PABIR2: variants seen among roughly 807,000 people sequenced by gnomAD.
The protein encoded by PABIR2 is family with sequence similarity 122B.
In PABIR2, 7 loss-of-function variants were observed where a neutral mutation model predicts 22.8. The ratio of observed to expected loss-of-function variants is 0.31; its 90% confidence interval spans 0.17 to 0.58. The LOEUF is 0.58. Among genes scored for constraint, PABIR2 ranks in the 20% least tolerant of loss-of-function variants. The pLI is 0.89. For missense variants in PABIR2, 155 were observed against 205.1 expected, an observed-to-expected ratio of 0.76 and a Z score of 1.49; for synonymous variants, 67 against 73.8, an observed-to-expected ratio of 0.91 and a Z score of 0.47.
rs757626399 is a variant in PABIR2, at chrX:134,793,675, C to G, written c.177+140G>C. ...GGTACCAAAAGCTGAATGGCCACAG[C>G]ATAAGCAGTAAACAACATAGGTAAA... On this transcript the variant is annotated intron_variant, in intron 2 of 9. Transcript: ENST00000343004. 7 of 780,875 alleles carry G rather than the reference C, an allele frequency of 9.0e-6. No homozygotes were observed. In the African/African-American group the frequency reaches 1.0e-4, roughly 11 times the overall value. The allele number at this position is 780,875 out of a possible 1,213,427, so 64.4% of individuals were successfully genotyped here. A position where few individuals can be genotyped will look rare whatever the true frequency, so the allele number is the denominator to read the frequency against.
Position 134,770,771 on chromosome X carries a change from C to T in PABIR2, c.*1368G>A, listed in dbSNP as rs183629570. The T allele has an allele frequency of 8.8e-6, 1 of 113,071 alleles. No homozygotes were observed. The highest frequency in any genetic ancestry group is 3.2e-5 in the African/African-American group (1 of 31,110). 9.3% of individuals were successfully genotyped at this position (113,071 alleles called of 1,213,427 possible). On this transcript the variant is annotated 3_prime_UTR_variant, in exon 10 of 10. Coordinates refer to ENST00000343004, the MANE Select transcript of PABIR2 (RefSeq NM_001387468.1). Reference sequence around the variant, plus strand: ...ACACTCAGATTTCTTAAACAGCTCACTCAGGAGTTTCCTCTTTTAAAAATT... The same window carrying T: ...ACACTCAGATTTCTTAAACAGCTCATTCAGGAGTTTCCTCTTTTAAAAATT...
chrX:134,772,138 G>A lies in PABIR2; in HGVS notation c.*1C>T, dbSNP rs1185174789. On this transcript the variant is annotated 3_prime_UTR_variant, in exon 10 of 10. Coordinates refer to ENST00000343004, the MANE Select transcript of PABIR2 (RefSeq NM_001387468.1). ...AAAACGTTGAATCAGAAATGGTTAA[G>A]TCACTTGGGTGAGAGATCATCCATC... 8.4e-7 allele frequency: 1 copy of A among 1,192,792 alleles called. No individual in the cohort carries two copies. Among genetic ancestry groups the A allele is most frequent in the South Asian group, 1.9e-5 (1 of 53,829 alleles).
intron 9 of PABIR2, 70 bp from the exon 10 acceptor site, chrX:134,772,353 GT>G: frequency 1.0e-6 from 1 of 1,000,093 alleles, no homozygotes; most frequent in South Asian, 2.7e-5. Flanking sequence ...CAATGACACA[GT>G]TTCAAGAGCT....
Position 134,789,204 on chromosome X carries a change from G to A in PABIR2, c.278+19C>T, listed in dbSNP as rs777665722. On this transcript the variant is annotated intron_variant, in intron 4 of 9. Transcript: ENST00000343004. ...CAAGACACTTATTAGGCTAGGCCCT[G>A]CTCTTGCAAAGCACTAACCTTTCAT... 1.7e-5 allele frequency: 20 copies of A among 1,210,574 alleles called. No homozygotes were observed. In the Admixed American group the frequency reaches 4.1e-4, roughly 25 times the overall value.
intron 9 of PABIR2, among the ~76,000 whole-genome samples, chrX:134,780,934 T>C (rs956670323): frequency 8.9e-6 from 1 of 112,924 alleles, no homozygotes; most frequent in African/African-American, 3.2e-5. Context: ...TGTTCTGAAA[T>C]ATTTCATAAT....
chrX:134,788,122 TAC>T (rs201018114), intron 6 of PABIR2, among the ~76,000 whole-genome samples: 117 of 99,098 alleles, frequency 1.2e-3, no homozygotes, highest in Middle Eastern at 5.9e-3. Context: ...GTGTAATATA[TAC>T]ACGTTATATA....
Position 134,796,210 on chromosome X carries a change from G to C in PABIR2, c.-5C>G, listed in dbSNP as rs754488492. Reference sequence around the variant, plus strand: ...CTCCATTTTCTCCTGAGCCATGTCAGACTTGCAGGCAGGCACAGCGGGCAG... The same window carrying C: ...CTCCATTTTCTCCTGAGCCATGTCACACTTGCAGGCAGGCACAGCGGGCAG... On this transcript the variant is annotated 5_prime_UTR_variant, in exon 1 of 10. Coordinates refer to ENST00000343004, the MANE Select transcript of PABIR2 (RefSeq NM_001387468.1). The C allele has an allele frequency of 3.3e-6, 4 of 1,199,709 alleles. No individual in the cohort carries two copies. Among genetic ancestry groups the C allele is most frequent in the Non-Finnish European group, 4.5e-6 (4 of 888,455 alleles).
At chrX:134,787,926 T>C (rs1269240670) in intron 6 of PABIR2, among the ~76,000 whole-genome samples, 2 of 108,001 alleles carry the variant, frequency 1.9e-5, no homozygotes, top group African/African-American at 6.7e-5. Flanking sequence ...TAAGCCACCA[T>C]ACCAGGCCCA....
chrX:134,779,004 C>T lies in PABIR2; in HGVS notation c.659+2817G>A, dbSNP rs187489144. 7.2e-5 allele frequency among the ~76,000 whole-genome samples: 8 copies of T among 110,903 alleles called. No homozygotes were observed. In the East Asian group the frequency reaches 2.0e-3, roughly 28 times the overall value. On this transcript the variant is annotated intron_variant, in intron 9 of 9. Transcript: ENST00000343004. ...AATTTTTTTGTATTTTTAGTAGAGA[C>T]GAGGTTTCACCGTGTTAGCCAAGAT...
intron 2 of PABIR2, among the ~76,000 whole-genome samples, chrX:134,791,303 A>G (rs1213135907): frequency 9.0e-6 from 1 of 111,348 alleles, no homozygotes; most frequent in Non-Finnish European, 1.9e-5. Flanking sequence ...GGCCCCTGAC[A>G]TTGGCAGTTA....
chrX:134,795,000 T>C (rs778734779), intron 1 of PABIR2, among the ~76,000 whole-genome samples: 5 of 112,026 alleles, frequency 4.5e-5, no homozygotes, highest in Non-Finnish European at 9.4e-5. Flanking sequence ...TACAGGTCAA[T>C]AGAATTGCTG....
intron 7 of PABIR2, among the ~76,000 whole-genome samples, chrX:134,787,258 C>A (rs2079356355): frequency 9.2e-6 from 1 of 108,895 alleles, no homozygotes; most frequent in African/African-American, 3.3e-5. Flanking sequence ...TGCCACCAGG[C>A]CCAGCTAATT....
chrX:134,782,688 C>T (rs1017163935), intron 8 of PABIR2, among the ~76,000 whole-genome samples: 1 of 111,849 alleles, frequency 8.9e-6, no homozygotes, highest in African/African-American at 3.2e-5. Flanking sequence ...AGCTTGAAAA[C>T]GGAATGTTCA....
chrX:134,775,518 CAAAAA>C (rs773542327), intron 9 of PABIR2, among the ~76,000 whole-genome samples: 1 of 25,242 alleles, frequency 4.0e-5, no homozygotes, highest in Non-Finnish European at 7.6e-5. Context: ...GACTCCGTCT[CAAAAA>C]AAAAAAAAAA....
Position 134,794,017 on chromosome X carries a change from A to G in PABIR2, c.99-124T>C, listed in dbSNP as rs1250549867. On this transcript the variant is annotated intron_variant, in intron 1 of 9. Coordinates refer to ENST00000343004, the MANE Select transcript of PABIR2 (RefSeq NM_001387468.1). ...ACAACGAAATCTTCCATGGCTCCTC[A>G]TTTCATACAGAGAATGAACTCCTCA... 7.2e-6 allele frequency: 8 copies of G among 1,105,020 alleles called. No individual in the cohort carries two copies. In the East Asian group the frequency reaches 2.6e-4, roughly 36 times the overall value. 91.1% of individuals were successfully genotyped at this position (1,105,020 alleles called of 1,213,427 possible).
At position 134,792,593 on chromosome X, in the gene PABIR2, C is replaced by T. The variant is rs904225634; in HGVS notation, c.177+1222G>A. 2.7e-5 allele frequency among the ~76,000 whole-genome samples: 3 copies of T among 111,946 alleles called. No individual in the cohort carries two copies. The East Asian group carries it at 8.4e-4, about 31-fold the overall frequency. On this transcript the variant is annotated intron_variant, in intron 2 of 9. Coordinates refer to ENST00000343004, the MANE Select transcript of PABIR2 (RefSeq NM_001387468.1). ...CTTTCTACAATGTGTTCTATTTTTC[C>T]CTTTCTTAAACAAATTATACCAAAC...
At chrX:134,790,885 T>C (rs1215560579) in intron 2 of PABIR2, among the ~76,000 whole-genome samples, 1 of 112,131 alleles carries the variant, frequency 8.9e-6, no homozygotes, top group African/African-American at 3.2e-5. Context: ...GGTGAACTCT[T>C]AATAAGATCA....
intron 9 of PABIR2, among the ~76,000 whole-genome samples, chrX:134,779,803 A>C (rs1196187471): frequency 8.9e-6 from 1 of 112,768 alleles, no homozygotes; most frequent in East Asian, 2.8e-4. Flanking sequence ...CTAGGTAAGC[A>C]AACCTATTTA....
Position 134,796,153 on chromosome X carries a change from C to T in PABIR2, c.53G>A (p.Gly18Glu). Residue 18 changes from glycine (G) to glutamate (E), a missense_variant, in exon 1 of 10, where the codon GGA (glycine) becomes GAA (glutamate). By Grantham distance (98) the Gly-to-Glu change is moderately conservative. Transcript: ENST00000343004. ...LDLEPDTSYG[G>E]TLRRSSSAPL... is the part of the protein sequence containing the mutation. ...AGCGCTGCTGGATCTCCTCAGGGTT[C>T]CCCCATAAGATGTGTCAGGCTCAAG... The T allele has an allele frequency of 8.3e-7, 1 of 1,210,852 alleles. No individual in the cohort carries two copies. Among genetic ancestry groups the T allele is most frequent in the Non-Finnish European group, 1.1e-6 (1 of 895,277 alleles).
Sources: gnomAD v4.1 joint callset for allele counts (sites outside exome capture counted in the v4.1 genomes callset) on GRCh38, gnomAD v4.1.1 for gene constraint, MANE v1.5 for transcripts, NCBI Gene and HGNC (gene_info 2026-07-23, HGNC 2026-07-21) for gene names.